Variants in KCNC4 observed in about 807,000 individuals in gnomAD.
The protein encoded by KCNC4 is potassium voltage-gated channel subfamily C member 4.
A neutral mutation model predicts 42.8 loss-of-function variants in KCNC4; 23 were observed. The observed-to-expected ratio is 0.54, with a 90% CI of 0.39 to 0.76. KCNC4 has a LOEUF of 0.76. KCNC4 is among the 30% of genes least tolerant of loss of function. The probability of loss-of-function intolerance (pLI) is 0.00; values close to 1 mark genes in which losing one functional copy is unlikely to be tolerated. For missense variants in KCNC4, 751 were observed against 898.2 expected (o/e 0.84, Z 2.10); for synonymous variants, 422 against 393.5 (o/e 1.07, Z -0.86).
In KCNC4 at chr1:110,225,991, C is replaced by T. The variant is rs200511444; in HGVS notation, c.1632C>T (p.Gly544=). The T allele has an allele frequency of 3.1e-5, 50 of 1,598,156 alleles. No homozygotes were observed. The East Asian group carries it at 5.2e-4, about 17-fold the overall frequency. Residue 544 remains glycine, a synonymous_variant, in exon 3 of 4, where the codon GGC becomes GGT. Coordinates refer to ENST00000438661, the MANE Select transcript of KCNC4 (RefSeq NM_001039574.3). Reference sequence around the variant, plus strand: ...CCCCTTCAGACTCTAAGCAGAATGGCGATGCCAACGCAGTGCTGTCTGATG... The same window carrying T: ...CCCCTTCAGACTCTAAGCAGAATGGTGATGCCAACGCAGTGCTGTCTGATG... ...ERKRADSKQN[G]DANAVLSDEE... is the part of the protein sequence containing the mutation.
chr1:110,219,004 G>A (rs889274766), intron 1 of KCNC4, among the ~76,000 whole-genome samples: 1 of 152,164 alleles, frequency 6.6e-6, no homozygotes, highest in Non-Finnish European at 1.5e-5. Context: ...CCAGTTCACC[G>A]GCAGTTTTCT....
chr1:110,232,641 G>T, intron 3 of KCNC4: 1 of 1,443,328 alleles, frequency 6.9e-7, no homozygotes, highest in South Asian at 1.5e-5. Flanking sequence ...CCAGAGTTGG[G>T]TTGGCAGAGG....
At position 110,229,957 on chromosome 1, in the gene KCNC4, A is replaced by G. The variant is rs145147940; in HGVS notation, c.1820-2954A>G. ...AGTAAGGTCCAGATCTGCTCCTTCCATGGTCAGCAAAGATAGGATGGCAGG... is the reference window on the plus strand; with the variant it reads ...AGTAAGGTCCAGATCTGCTCCTTCCGTGGTCAGCAAAGATAGGATGGCAGG... On this transcript the variant is annotated intron_variant, in intron 3 of 3. Transcript: ENST00000438661. Among the ~76,000 whole-genome samples the G allele has an allele frequency of 3.7e-3, 562 of 152,270 alleles. 6 individuals carry two copies. Among genetic ancestry groups the G allele is most frequent in the African/African-American group, 0.013 (530 of 41,550 alleles).
chr1:110,239,572 T>C (rs1658984622), exon 4 of KCNC4: 1 of 152,188 alleles, frequency 6.6e-6, no homozygotes, highest in Admixed American at 6.5e-5. Flanking sequence ...TCGGTAAATA[T>C]TTTATGAACA....
intron 3 of KCNC4, 141 bp downstream of exon 3, chr1:110,226,319 A>G: frequency 2.9e-6 from 2 of 695,298 alleles, no homozygotes; most frequent in East Asian, 5.4e-5. Context: ...CCACTTTTAG[A>G]ATGGGTACCT....
At chr1:110,226,561 A>G (rs1399191676) in intron 3 of KCNC4, among the ~76,000 whole-genome samples, 1 of 152,126 alleles carries the variant, frequency 6.6e-6, no homozygotes, top group African/African-American at 2.4e-5. Flanking sequence ...CCTTAAACAC[A>G]GCTAAGGCTT....
At chr1:110,216,519 C>G (rs2100993634) in intron 1 of KCNC4, among the ~76,000 whole-genome samples, 1 of 152,334 alleles carries the variant, frequency 6.6e-6, no homozygotes, top group Non-Finnish European at 1.5e-5. Context: ...CATCTTGTCT[C>G]TGAATGCTGA....
In KCNC4 at chr1:110,223,796, C is replaced by T. The variant is rs1658243225; in HGVS notation, c.1511C>T (p.Ser504Leu). 6.2e-7 allele frequency: 1 copy of T among 1,614,012 alleles called. No individual in the cohort carries two copies. The highest frequency in any genetic ancestry group is 8.5e-7 in the Non-Finnish European group (1 of 1,180,014). Residue 504 changes from serine to leucine, a missense_variant, in exon 2 of 4, where the codon TCA (serine) becomes TTA (leucine). Ser to Leu is a moderately radical substitution (Grantham distance 145). Around this residue, in one of 4 missense-constraint regions of KCNC4, gnomAD observed 202 missense variants for 181.5 expected, o/e 1.11. Transcript: ENST00000438661. The surrounding 1 kb of genome is among the most constrained non-coding windows in gnomAD (Gnocchi z 7.5). ...GTGCCACGGCCGGCGCAGCTGGAGTCACCCATGTACTGCAAGTCTGAGGAG... is the reference window on the plus strand; with the variant it reads ...GTGCCACGGCCGGCGCAGCTGGAGTTACCCATGTACTGCAAGTCTGAGGAG... Reference protein sequence around the residue: ...KHVPRPAQLESPMYCKSEETS... With the variant: ...KHVPRPAQLELPMYCKSEETS...
At position 110,262,035 on chromosome 1, in the gene KCNC4, A is replaced by G. The variant is rs541282825; in HGVS notation, n.31-20499A>G. 2.0e-5 allele frequency among the ~76,000 whole-genome samples: 3 copies of G among 152,370 alleles called. No individual in the cohort carries two copies. In the South Asian group the frequency reaches 6.2e-4, roughly 32 times the overall value. On this transcript the variant is annotated intron_variant and non_coding_transcript_variant, in intron 1 of 2. Coordinates refer to the KCNC4 transcript ENST00000412512. Reference sequence around the variant, plus strand: ...AATTTTGCCCAAAGCACTGTTTTGTAATACCTTTAAATCTCTCATACCTGT... The same window carrying G: ...AATTTTGCCCAAAGCACTGTTTTGTGATACCTTTAAATCTCTCATACCTGT...
At position 110,223,874 on chromosome 1, in the gene KCNC4, A is replaced by T. The variant is rs778341122; in HGVS notation, c.1589A>T (p.Glu530Val). The change falls in exon 2 of 4, where the codon GAG (glutamate) becomes GTG (valine). Residue 530 changes from glutamate (E) to valine (V), a missense_variant. Coordinates refer to ENST00000438661, the MANE Select transcript of KCNC4 (RefSeq NM_001039574.3). This position sits in a 1 kb window ranked among gnomAD's most constrained non-coding sequence, Gnocchi z 7.5. ...CSDTSPPARE[E>V]GMIERKRADS... ...GATACCAGCCCCCCTGCCCGGGAAG[A>T]GGGTATGATCGAGAGGAAACGGGCA... 6.2e-7 allele frequency: 1 copy of T among 1,600,710 alleles called. No homozygotes were observed. Among genetic ancestry groups the T allele is most frequent in the South Asian group, 1.1e-5 (1 of 89,270 alleles).
chr1:110,225,892 C>G, intron 2 of KCNC4, 83 bp from the exon 3 acceptor site: 2 of 1,301,090 alleles, frequency 1.5e-6, no homozygotes, highest in Non-Finnish European at 2.1e-6. Flanking sequence ...AAGTAACACT[C>G]TGGGTCTGGG....
At position 110,223,396 on chromosome 1, in the gene KCNC4, G is replaced by C; in HGVS notation, c.1111G>C (p.Gly371Arg). 1 of 1,613,946 alleles carries C rather than the reference G, an allele frequency of 6.2e-7. No individual in the cohort carries two copies. Among genetic ancestry groups the C allele is most frequent in the Non-Finnish European group, 8.5e-7 (1 of 1,180,018 alleles). ...TRHFVGLRVL[G>R]HTLRASTNEF... Reference sequence around the variant, plus strand: ...CCACTTCGTGGGGCTACGCGTGCTGGGCCACACCCTGAGGGCCAGCACCAA... The same window carrying C: ...CCACTTCGTGGGGCTACGCGTGCTGCGCCACACCCTGAGGGCCAGCACCAA... The change falls in exon 2 of 4, where the codon GGC (glycine) becomes CGC (arginine). Residue 371 changes from glycine (G) to arginine (R), a missense_variant. Physicochemically the swap from Gly to Arg is moderately radical, Grantham distance 125. This residue lies in a region of KCNC4 where 185 missense variants were observed against 293.7 expected (regional missense o/e 0.63). Transcript: ENST00000438661. The surrounding 1 kb of genome is among the most constrained non-coding windows in gnomAD (Gnocchi z 7.5).
intron 3 of KCNC4, among the ~76,000 whole-genome samples, chr1:110,231,269 C>T (rs1202567411): frequency 2.0e-5 from 3 of 152,124 alleles, no homozygotes; most frequent in Admixed American, 2.0e-4. Flanking sequence ...ACAGAGCTTC[C>T]TGGGAGAGGA....
At chr1:110,264,768 GA>G (rs1659508947) in intron 1 of KCNC4, among the ~76,000 whole-genome samples, 1 of 152,138 alleles carries the variant, frequency 6.6e-6, no homozygotes, top group South Asian at 2.1e-4. Context: ...CTCGTCTCTG[GA>G]GAAGGAGGGG....
intron 1 of KCNC4, among the ~76,000 whole-genome samples, chr1:110,267,846 A>G (rs1439914932): frequency 1.3e-5 from 2 of 152,246 alleles, no homozygotes; most frequent in Non-Finnish European, 2.9e-5. Context: ...AATTTGGTTT[A>G]CAGTTAAACT....
chr1:110,216,989 G>A (rs1039802179), intron 1 of KCNC4, among the ~76,000 whole-genome samples: 1 of 152,188 alleles, frequency 6.6e-6, no homozygotes, highest in Admixed American at 6.5e-5. Flanking sequence ...ATCAGGACCA[G>A]GAGAGAGAGC....
chr1:110,252,307 A>G (rs865904580), downstream of KCNC4, among the ~76,000 whole-genome samples: 1 of 152,242 alleles, frequency 6.6e-6, no homozygotes, highest in African/African-American at 2.4e-5. Context: ...AATGAGGTTC[A>G]TAACCCATCC....
chr1:110,213,645 A>G lies in KCNC4; in HGVS notation c.678+1468A>G, dbSNP rs80136765. 2.4e-3 allele frequency among the ~76,000 whole-genome samples: 368 copies of G among 152,358 alleles called. 13 individuals carry two copies. The East Asian group carries it at 0.065, about 27-fold the overall frequency. On this transcript the variant is annotated intron_variant, in intron 1 of 3. Transcript: ENST00000438661. ...GCAGGGATCTTTCTCAGGACTGACA[A>G]CAAAGCTAGAGGCAACTGTCTGGGT...
intron 3 of KCNC4, among the ~76,000 whole-genome samples, chr1:110,227,757 C>T (rs1658477810): frequency 6.6e-6 from 1 of 152,212 alleles, no homozygotes; most frequent in East Asian, 1.9e-4. Flanking sequence ...GCTTTCCTCC[C>T]TGGGCTGTGA....
Sources: gnomAD v4.1 joint callset for allele counts (sites outside exome capture counted in the v4.1 genomes callset) on GRCh38, gnomAD v4.1.1 for gene constraint, gnomAD v4.1.1 regional missense constraint, Gnocchi (gnomAD v3.1) non-coding constraint, MANE v1.5 for transcripts, NCBI Gene and HGNC (gene_info 2026-07-23, HGNC 2026-07-21) for gene names.